The following RIPPLY3 variants were observed in gnomAD, a reference collection of about 807,000 sequenced individuals.
RIPPLY3 encodes the protein protein ripply3.
A neutral mutation model predicts 11.9 loss-of-function variants in RIPPLY3; 8 were observed. The ratio of observed to expected loss-of-function variants is 0.67; its 90% CI spans 0.40 to 1.21. RIPPLY3 has a LOEUF of 1.21. RIPPLY3 is among the 50% of genes most tolerant of loss of function. The pLI, the probability that RIPPLY3 is intolerant of heterozygous loss-of-function variation, is 0.01. For synonymous variants in RIPPLY3, 102 were observed against 99.0 expected, an observed-to-expected ratio of 1.03 and a Z score of -0.18; for missense variants, 271 against 246.0, an observed-to-expected ratio of 1.10 and a Z score of -0.68.
intron 3 of RIPPLY3, among the ~76,000 whole-genome samples, chr21:37,015,451 A>G (rs557641922): frequency 1.5e-4 from 23 of 152,144 alleles, no homozygotes; most frequent in Non-Finnish European, 3.4e-4. Flanking sequence ...GGCTGTGATC[A>G]CAGCCACCGC....
At chr21:37,007,968 C>G (rs2069482498) in intron 1 of RIPPLY3, among the ~76,000 whole-genome samples, 189 bp from the exon 2 acceptor site, 1 of 152,098 alleles carries the variant, frequency 6.6e-6, no homozygotes, top group South Asian at 2.1e-4. Flanking sequence ...GAACTGGGGA[C>G]GTAGCAGGAG....
At chr21:37,007,400 C>CCCTCTTTTTTTTT (rs2069475865) in intron 1 of RIPPLY3, among the ~76,000 whole-genome samples, 1 of 86,272 alleles carries the variant, frequency 1.2e-5, no homozygotes, top group African/African-American at 5.0e-5. Context: ...AAGATTCCCT[C>CCCTCTTTTTTTTT]TTTTTTTTTT....
intron 3 of RIPPLY3, among the ~76,000 whole-genome samples, chr21:37,014,510 CTG>C (rs1366338594): frequency 6.6e-6 from 1 of 152,020 alleles, no homozygotes; most frequent in East Asian, 1.9e-4. Context: ...GGATTTCTGC[CTG>C]TCTCTCTGTC....
chr21:37,018,063 G>A lies in RIPPLY3; in HGVS notation c.429G>A (p.Arg143=). Residue 143 remains arginine (R), a synonymous_variant, in exon 4 of 4, where the codon CGG becomes CGA. Transcript: ENST00000329553. ...TTCTGCCCCAGGAGGTGGGAGGTCGGCAGGAAAATGGCCCAGGGGGAAAGG... is the reference window on the plus strand; with the variant it reads ...TTCTGCCCCAGGAGGTGGGAGGTCGACAGGAAAATGGCCCAGGGGGAAAGG... The part of the protein sequence containing the change: ...LHLLPQEVGG[R]QENGPGGKGR... 1.2e-6 allele frequency: 2 copies of A among 1,614,076 alleles called. No individual in the cohort carries two copies. The highest frequency in any genetic ancestry group is 8.5e-7 in the Non-Finnish European group (1 of 1,180,010).
At position 37,018,142 on chromosome 21, in the gene RIPPLY3, T is replaced by TG. The variant is rs1227193558; in HGVS notation, c.514dup (p.Glu172GlyfsTer69). 3 of 1,613,870 alleles carry TG rather than the reference T, an allele frequency of 1.9e-6. No individual in the cohort carries two copies. Among genetic ancestry groups the TG allele is most frequent in the Non-Finnish European group, 2.5e-6 (3 of 1,179,942 alleles). Reference sequence around the variant, plus strand: ...GCGATCCTCAGGAGGGGGTGACCACTGGGGGGAGGGTCCGCTCCCTCAAGG... The same window carrying TG: ...GCGATCCTCAGGAGGGGGTGACCACTGGGGGGGAGGGTCCGCTCCCTCAAGG... On this transcript the variant is annotated frameshift_variant, in exon 4 of 4. Coordinates refer to ENST00000329553, the MANE Select transcript of RIPPLY3 (RefSeq NM_018962.3). LOFTEE classifies it low-confidence loss of function (END_TRUNC).
chr21:37,006,672 T>C, upstream of RIPPLY3: 1 of 778,686 alleles, frequency 1.3e-6, no homozygotes, highest in Non-Finnish European at 1.7e-6. The surrounding 1 kb of genome is among the most constrained non-coding windows in gnomAD (Gnocchi z 5.2). Flanking sequence ...CGCCCCCGTT[T>C]TTAAACCTGG....
chr21:37,014,299 C>T (rs2069556537), intron 3 of RIPPLY3, among the ~76,000 whole-genome samples: 1 of 151,758 alleles, frequency 6.6e-6, no homozygotes, highest in Admixed American at 6.6e-5. Context: ...GCCTGGGCGA[C>T]AAGAGCGAAA....
rs376035189 is a variant in RIPPLY3 at position 37,019,264 on chromosome 21, C to CAAAAAAAAAAA, written c.*1068_*1078dup. On this transcript the variant is annotated 3_prime_UTR_variant, in exon 4 of 4. Coordinates refer to ENST00000329553, the MANE Select transcript of RIPPLY3 (RefSeq NM_018962.3). ...GGGCAACAAGAGCGAAACTCCGTCTCAAAAAAAAAAAAAAAAAAAAAGAAA... is the reference window on the plus strand; with the variant it reads ...GGGCAACAAGAGCGAAACTCCGTCTCAAAAAAAAAAAAAAAAAAAAAAAAAAAAAAAAGAAA... 1.0e-4 allele frequency: 10 copies of CAAAAAAAAAAA among 97,502 alleles called. No individual in the cohort carries two copies. Among genetic ancestry groups the CAAAAAAAAAAA allele is most frequent in the African/African-American group, 1.6e-4 (4 of 24,738 alleles). 6.0% of individuals were successfully genotyped at this position (97,502 alleles called of 1,614,324 possible).
chr21:37,018,387 C>T lies in RIPPLY3; in HGVS notation c.*180C>T. 1 of 600,088 alleles carries T rather than the reference C, an allele frequency of 1.7e-6. No individual in the cohort carries two copies. Among genetic ancestry groups the T allele is most frequent in the Non-Finnish European group, 2.9e-6 (1 of 339,682 alleles). 37.2% of individuals were successfully genotyped at this position (600,088 alleles called of 1,614,324 possible). On this transcript the variant is annotated 3_prime_UTR_variant, in exon 4 of 4. Transcript: ENST00000329553. ...CAGCTTTTACTTTTCTTTCCCCTGG[C>T]AATTCGTTTTTGGTGCACTCATGCA... is the stretch of plus-strand genomic sequence containing the variant.
At chr21:37,016,913 T>C (rs1189638340) in intron 3 of RIPPLY3, among the ~76,000 whole-genome samples, 2 of 152,026 alleles carry the variant, frequency 1.3e-5, no homozygotes, top group Admixed American at 1.3e-4. Context: ...CGCAGCACTG[T>C]TGGAGGCCGA....
chr21:37,006,671 T>G, upstream of RIPPLY3: 6 of 759,516 alleles, frequency 7.9e-6, no homozygotes, highest in Non-Finnish European at 1.1e-5. This position sits in a 1 kb window ranked among gnomAD's most constrained non-coding sequence, Gnocchi z 5.2. Context: ...CCGCCCCCGT[T>G]TTTAAACCTG....
intron 2 of RIPPLY3, 145 bp from the exon 3 acceptor site, chr21:37,013,406 A>G (rs183083554): frequency 3.8e-5 from 21 of 559,166 alleles, no homozygotes; most frequent in African/African-American, 1.9e-4. Flanking sequence ...GGCTTATCGA[A>G]TACTGATAAG....
chr21:37,006,458 A>AC (rs1399112711), upstream of RIPPLY3: 4 of 229,820 alleles, frequency 1.7e-5, no homozygotes. The surrounding 1 kb of genome is among the most constrained non-coding windows in gnomAD (Gnocchi z 5.2). Flanking sequence ...GGCCTGCCGG[A>AC]CCCCCCTCCT....
intron 3 of RIPPLY3, among the ~76,000 whole-genome samples, chr21:37,014,673 A>G (rs1430838590): frequency 1.3e-5 from 2 of 152,218 alleles, no homozygotes; most frequent in Admixed American, 1.3e-4. Context: ...GTGTAGGCAT[A>G]AAGCTCAGTC....
chr21:37,012,762 A>G (rs1414463705), intron 2 of RIPPLY3, among the ~76,000 whole-genome samples: 2 of 151,774 alleles, frequency 1.3e-5, no homozygotes, highest in Non-Finnish European at 2.9e-5. Flanking sequence ...TTCCAGGCAT[A>G]TGTCACCGTT....
intron 2 of RIPPLY3, among the ~76,000 whole-genome samples, chr21:37,008,841 G>A (rs1192906949): frequency 6.6e-6 from 1 of 151,054 alleles, no homozygotes; most frequent in Non-Finnish European, 1.5e-5. Flanking sequence ...CTTCTGCAAA[G>A]CAACAGGTCG....
rs537753595 is a variant in RIPPLY3 at position 37,017,330 on chromosome 21, G to T, written c.240-544G>T. Among the ~76,000 whole-genome samples, 9 of 152,030 alleles carry T rather than the reference G, an allele frequency of 5.9e-5. 1 individual carries two copies. In the South Asian group the frequency reaches 1.9e-3, roughly 32 times the overall value. ...AGCACATCTTTTTTATTCTGGCAGA[G>T]CAAAGGACTTGTGCCTCCAATTTCT... is the stretch of plus-strand genomic sequence containing the variant. On this transcript the variant is annotated intron_variant, in intron 3 of 3. Transcript: ENST00000329553.
rs776831796 is a variant in RIPPLY3, at chr21:37,018,142, T to G, written c.508T>G (p.Trp170Gly). 34 of 1,613,870 alleles carry G rather than the reference T, an allele frequency of 2.1e-5. No homozygotes were observed. Among genetic ancestry groups the G allele is most frequent in the Non-Finnish European group, 2.7e-5 (32 of 1,179,942 alleles). The change falls in exon 4 of 4, where the codon TGG (tryptophan) becomes GGG (glycine). Residue 170 changes from tryptophan to glycine, a missense_variant. Physicochemically the swap from Trp to Gly is radical, Grantham distance 184. Coordinates refer to ENST00000329553, the MANE Select transcript of RIPPLY3 (RefSeq NM_018962.3). ...GQRSSGGGDH[W>G]GEGPLPQGVS... ...GCGATCCTCAGGAGGGGGTGACCAC[T>G]GGGGGGAGGGTCCGCTCCCTCAAGG...
At chr21:37,017,094 A>G (rs2069586307) in intron 3 of RIPPLY3, among the ~76,000 whole-genome samples, 1 of 148,900 alleles carries the variant, frequency 6.7e-6, no homozygotes, top group African/African-American at 2.5e-5. Flanking sequence ...CAGAAGTTGC[A>G]GTGAGCTGAG....
Sources: allele counts gnomAD v4.1 joint callset (sites outside exome capture counted in the v4.1 genomes callset), GRCh38; gene constraint gnomAD v4.1.1; non-coding constraint Gnocchi (gnomAD v3.1); transcripts MANE v1.5; gene names NCBI Gene and HGNC (gene_info 2026-07-23, HGNC 2026-07-21).